Variants in IQCK observed in about 807,000 individuals in gnomAD.
The protein encoded by IQCK is IQ domain-containing protein K.
IQCK carries 29 observed loss-of-function variants against 28.1 expected under a neutral mutation model. The ratio of observed to expected loss-of-function variants is 1.03; its 90% CI spans 0.77 to 1.41. IQCK has a LOEUF of 1.41. Among genes scored for constraint, IQCK ranks in the 40% most tolerant of loss-of-function variants. The pLI is 0.00. For missense variants in IQCK, 359 were observed against 314.7 expected, an observed-to-expected ratio of 1.14 and a Z score of -1.07; for synonymous variants, 113 against 115.1, an observed-to-expected ratio of 0.98 and a Z score of 0.12.
intron 1 of IQCK, among the ~76,000 whole-genome samples, chr16:19,720,640 G>A (rs527539471): frequency 6.6e-6 from 1 of 152,288 alleles, no homozygotes; most frequent in South Asian, 2.1e-4. Context: ...TGGTCAAATA[G>A]GCCTCTAGAG....
chr16:19,742,108 C>T (rs973130729), intron 4 of IQCK, among the ~76,000 whole-genome samples: 5 of 152,148 alleles, frequency 3.3e-5, no homozygotes, highest in African/African-American at 1.2e-4. Flanking sequence ...CTAAGTAATC[C>T]GTGAGCCTCA....
intron 4 of IQCK, among the ~76,000 whole-genome samples, chr16:19,751,345 G>A (rs916793429): frequency 6.6e-6 from 1 of 152,086 alleles, no homozygotes; most frequent in Non-Finnish European, 1.5e-5. Context: ...GCCAGGCAGT[G>A]CCATGTGCCT....
At chr16:19,722,897 A>G (rs1977540129) in intron 1 of IQCK, among the ~76,000 whole-genome samples, 1 of 151,964 alleles carries the variant, frequency 6.6e-6, no homozygotes, top group Admixed American at 6.6e-5. Flanking sequence ...TTGTATTTTT[A>G]GGTGGGGTTT....
chr16:19,842,607 G>GA (rs1394297441), intron 9 of IQCK, among the ~76,000 whole-genome samples: 1 of 152,166 alleles, frequency 6.6e-6, no homozygotes. Flanking sequence ...ATGGTGCCAG[G>GA]AAAAATGTTG....
At chr16:19,837,095 A>T (rs1277632542) in intron 9 of IQCK, among the ~76,000 whole-genome samples, 1 of 152,200 alleles carries the variant, frequency 6.6e-6, no homozygotes, top group Non-Finnish European at 1.5e-5. Context: ...CATATCATTA[A>T]TACATATTGT....
chr16:19,752,048 T>C (rs2054994050), intron 4 of IQCK, among the ~76,000 whole-genome samples: 1 of 152,162 alleles, frequency 6.6e-6, no homozygotes, highest in Non-Finnish European at 1.5e-5. Flanking sequence ...ACAGTACCAT[T>C]CCTGCTCTAC....
chr16:19,858,294 C>T (rs1043246174), exon 10 of IQCK: 1 of 427,846 alleles, frequency 2.3e-6, no homozygotes, highest in East Asian at 3.5e-5. Flanking sequence ...AAACAAAACC[C>T]TAAGTGCGAT....
chr16:19,768,041 A>C (rs868528664), intron 6 of IQCK, among the ~76,000 whole-genome samples: 23 of 142,072 alleles, frequency 1.6e-4, no homozygotes, highest in African/African-American at 5.8e-4. Context: ...TAAACTTCCT[A>C]GGTAATTCTA....
chr16:19,726,249 T>C (rs899105669), intron 1 of IQCK, among the ~76,000 whole-genome samples: 1 of 152,210 alleles, frequency 6.6e-6, no homozygotes, highest in African/African-American at 2.4e-5. Context: ...AAAAATATGA[T>C]AGCAAGTAAT....
chr16:19,771,934 G>A (rs2055326489), intron 6 of IQCK, among the ~76,000 whole-genome samples: 1 of 152,164 alleles, frequency 6.6e-6, no homozygotes. Context: ...GAATCAACGA[G>A]GGATAAATAG....
At chr16:19,722,973 A>G (rs1011713966) in intron 1 of IQCK, among the ~76,000 whole-genome samples, 1 of 152,028 alleles carries the variant, frequency 6.6e-6, no homozygotes, top group African/African-American at 2.4e-5. Flanking sequence ...CAGCCTCCCA[A>G]AGTGCTGGGA....
downstream of IQCK, among the ~76,000 whole-genome samples, chr16:19,828,176 T>C (rs1171150221): frequency 2.6e-5 from 4 of 151,438 alleles, no homozygotes; most frequent in Non-Finnish European, 5.9e-5. Context: ...CCTCCCAAAG[T>C]GCTGGGATTA....
At chr16:19,849,444 A>T (rs567697323) in intron 9 of IQCK, among the ~76,000 whole-genome samples, 2 of 152,138 alleles carry the variant, frequency 1.3e-5, no homozygotes, top group South Asian at 4.2e-4. Flanking sequence ...TAAAAATTTT[A>T]AAAAGTAAAC....
chr16:19,754,123 A>G (rs1396394499), intron 4 of IQCK, among the ~76,000 whole-genome samples: 1 of 152,036 alleles, frequency 6.6e-6, no homozygotes, highest in Non-Finnish European at 1.5e-5. Flanking sequence ...GCTGAGACGG[A>G]GTTAACCATC....
At chr16:19,830,089 C>T (rs1048276787), downstream of IQCK, among the ~76,000 whole-genome samples, 1 of 152,164 alleles carries the variant, frequency 6.6e-6, no homozygotes, top group African/African-American at 2.4e-5. Context: ...AACAAAGTTC[C>T]TGGTGCAGAG....
rs1033406501 is a variant in IQCK, at chr16:19,855,581, C to CA, written c.803-899dup. Among the ~76,000 whole-genome samples the CA allele has an allele frequency of 4.0e-5, 6 of 151,796 alleles. No homozygotes were observed. The East Asian group carries it at 9.7e-4, about 24-fold the overall frequency. On this transcript the variant is annotated intron_variant, in intron 9 of 9. Coordinates refer to the IQCK transcript ENST00000320394. ...GCCTGGACAAGAGAGACTCTGTCCC[C>CA]AAAAAAACAAAAAAGTGCATTTCAT...
At chr16:19,786,718 AAGAG>A (rs1159905054) in intron 6 of IQCK, among the ~76,000 whole-genome samples, 2 of 142,490 alleles carry the variant, frequency 1.4e-5, no homozygotes, top group South Asian at 4.3e-4. Flanking sequence ...GAAAGAGAGA[AAGAG>A]AGGAAGAAGG....
intron 4 of IQCK, among the ~76,000 whole-genome samples, chr16:19,758,391 A>G (rs1043876732): frequency 2.0e-5 from 3 of 152,226 alleles, no homozygotes; most frequent in Non-Finnish European, 4.4e-5. Flanking sequence ...ATCGAAAGTG[A>G]TTAAATCTGT....
At chr16:19,851,911 C>T (rs1164187450) in intron 9 of IQCK, among the ~76,000 whole-genome samples, 2 of 152,210 alleles carry the variant, frequency 1.3e-5, no homozygotes, top group Non-Finnish European at 2.9e-5. Context: ...CTGTGCAAGG[C>T]TGTGTTCTGC....
Sources: allele counts gnomAD v4.1 joint callset (sites outside exome capture counted in the v4.1 genomes callset), GRCh38; gene constraint gnomAD v4.1.1; transcripts MANE v1.5; gene names NCBI Gene and HGNC (gene_info 2026-07-23, HGNC 2026-07-21).